Variants in PBRM1 observed in about 807,000 individuals in gnomAD.
The protein encoded by PBRM1 is polybromo 1, also known as protein polybromo-1.
PBRM1 carries 27 observed loss-of-function variants against 194.5 expected under a neutral mutation model. The observed-to-expected ratio is 0.14, with a 90% CI of 0.10 to 0.19. The LOEUF (loss-of-function observed/expected upper bound fraction) is 0.19, where lower values mean the gene tolerates loss of function less well. Among genes scored for constraint, PBRM1 ranks in the 10% least tolerant of loss-of-function variants. The pLI is 1.00. For missense variants in PBRM1, 1,466 were observed against 2,077.2 expected, an observed-to-expected ratio of 0.71 and a Z score of 5.72; for synonymous variants, 655 against 693.2, an observed-to-expected ratio of 0.94 and a Z score of 0.87.
rs530560787 is a variant in PBRM1, at chr3:52,648,978, G to A, written c.715-536C>T. On this transcript the variant is annotated intron_variant, in intron 6 of 29. Transcript: ENST00000296302. ...TACTCATATAGTTGCCTAAATTTACGAAGGAAATGAAAGACGGACACACTT... is the reference window on the plus strand; with the variant it reads ...TACTCATATAGTTGCCTAAATTTACAAAGGAAATGAAAGACGGACACACTT... Among the ~76,000 whole-genome samples the A allele has an allele frequency of 2.6e-5, 4 of 152,224 alleles. No homozygotes were observed. In the East Asian group the frequency reaches 5.8e-4, roughly 22 times the overall value.
chr3:52,550,562 T>C, exon 29 of PBRM1: 5 of 1,550,090 alleles, frequency 3.2e-6, no homozygotes, highest in East Asian at 2.3e-5. Context: ...GGCTGCTGTA[T>C]GACAGGGGGT....
At chr3:52,577,020 T>C (rs1393983742) in intron 21 of PBRM1, among the ~76,000 whole-genome samples, 2 of 152,216 alleles carry the variant, frequency 1.3e-5, no homozygotes, top group African/African-American at 2.4e-5. Context: ...AACTAAGCAT[T>C]TGTCATTGGA....
intron 10 of PBRM1, among the ~76,000 whole-genome samples, chr3:52,637,134 AT>A (rs1366571832): frequency 3.3e-5 from 5 of 152,086 alleles, no homozygotes; most frequent in Non-Finnish European, 7.4e-5. Context: ...CTGCAGTTGG[AT>A]TTACACCTAG....
chr3:52,567,663 G>A (rs2085731090), intron 22 of PBRM1, among the ~76,000 whole-genome samples: 1 of 150,658 alleles, frequency 6.6e-6, no homozygotes, highest in Admixed American at 6.6e-5. Context: ...TAATGGCCAA[G>A]GTTGGGTATA....
At chr3:52,679,969 T>C (rs1286035765), upstream of PBRM1, among the ~76,000 whole-genome samples, 3 of 152,186 alleles carry the variant, frequency 2.0e-5, no homozygotes, top group East Asian at 5.8e-4. Flanking sequence ...TATTCATTTG[T>C]ATATCAGCAA....
intron 13 of PBRM1, among the ~76,000 whole-genome samples, chr3:52,621,580 T>C (rs1451462272): frequency 6.6e-6 from 1 of 152,226 alleles, no homozygotes; most frequent in African/African-American, 2.4e-5. Flanking sequence ...TTCCCCATTT[T>C]TGGAAAAGTA....
At chr3:52,603,566 T>C in exon 17 of PBRM1, 2 of 1,605,118 alleles carry the variant, frequency 1.2e-6, no homozygotes, top group Non-Finnish European at 1.7e-6. Flanking sequence ...TCTATTTCTT[T>C]TGGCAATTTT....
At chr3:52,641,208 G>A (rs1019326877) in intron 10 of PBRM1, among the ~76,000 whole-genome samples, 14 of 151,664 alleles carry the variant, frequency 9.2e-5, no homozygotes, top group African/African-American at 2.9e-4. Context: ...CAGCACATTC[G>A]GAGGCCGAGG....
intron 29 of PBRM1, among the ~76,000 whole-genome samples, chr3:52,548,897 A>G (rs1265954768): frequency 1.3e-5 from 2 of 152,232 alleles, no homozygotes; most frequent in Non-Finnish European, 2.9e-5. Flanking sequence ...AGAAACTTCC[A>G]AACTTCTCTC....
intron 8 of PBRM1, among the ~76,000 whole-genome samples, chr3:52,644,399 T>G (rs938360586): frequency 2.6e-5 from 4 of 152,140 alleles, no homozygotes; most frequent in Admixed American, 2.0e-4. Flanking sequence ...TTTTCTTTTT[T>G]TTTTGAGACC....
At chr3:52,570,682 C>T (rs571070216) in intron 22 of PBRM1, among the ~76,000 whole-genome samples, 2 of 152,126 alleles carry the variant, frequency 1.3e-5, no homozygotes, top group African/African-American at 4.8e-5. Context: ...TTATCAAGAC[C>T]TGCTGGATTT....
chr3:52,545,702 T>TC (rs199630726), downstream of PBRM1: 102 of 232,920 alleles, frequency 4.4e-4, 1 homozygote, highest in East Asian at 5.9e-3. Flanking sequence ...TTCCCCTCAG[T>TC]CCCCCCGTTT....
intron 2 of PBRM1, among the ~76,000 whole-genome samples, chr3:52,673,267 C>T (rs2096993464): frequency 6.6e-6 from 1 of 151,614 alleles, no homozygotes; most frequent in African/African-American, 2.4e-5. Flanking sequence ...GGATTACAGG[C>T]ATGAGCCACC....
At chr3:52,599,367 ATTG>A (rs1346600316) in intron 17 of PBRM1, among the ~76,000 whole-genome samples, 3 of 152,194 alleles carry the variant, frequency 2.0e-5, no homozygotes, top group Non-Finnish European at 4.4e-5. Context: ...TATAAAATGA[ATTG>A]TTAATTATAG....
At chr3:52,643,545 T>C (rs1232151749) in intron 8 of PBRM1, among the ~76,000 whole-genome samples, 1 of 152,168 alleles carries the variant, frequency 6.6e-6, no homozygotes, top group Non-Finnish European at 1.5e-5. Context: ...CTAGAGAGCT[T>C]TTGGTCACTG....
Position 52,581,382 on chromosome 3 carries a change from C to T in PBRM1, c.3388-2183G>A, listed in dbSNP as rs941638879. Among the ~76,000 whole-genome samples, 4 of 151,848 alleles carry T rather than the reference C, an allele frequency of 2.6e-5. 1 individual carries two copies. Among genetic ancestry groups the T allele is most frequent in the South Asian group, 4.2e-4 (2 of 4,810 alleles). ...AAAATTAGCCAGGCATGATGGTGCG[C>T]GCCTGTAGTCCCAGGAACTTGGGAA... On this transcript the variant is annotated intron_variant, in intron 20 of 29. Coordinates refer to ENST00000296302, the Ensembl canonical transcript of PBRM1.
chr3:52,618,308 T>C (rs911162518), intron 13 of PBRM1, among the ~76,000 whole-genome samples: 3 of 152,210 alleles, frequency 2.0e-5, no homozygotes, highest in Non-Finnish European at 2.9e-5. Flanking sequence ...TAAGGGACTA[T>C]AGATTAGATC....
chr3:52,643,346 A>G lies in PBRM1; in HGVS notation c.900-3T>C, dbSNP rs1478046054. 1.2e-6 allele frequency: 2 copies of G among 1,601,452 alleles called. No individual in the cohort carries two copies. Among genetic ancestry groups the G allele is most frequent in the African/African-American group, 2.7e-5 (2 of 74,662 alleles). On this transcript the variant is annotated splice_polypyrimidine_tract_variant and splice_region_variant and intron_variant, in intron 8 of 29. Transcript: ENST00000296302. ...CTGCAGCCAAGTTGGATGGAGTCCT[A>G]TCCAGAGATAAGATAAAAAGCTTAG...
At chr3:52,625,796 C>T (rs982858734) in intron 13 of PBRM1, among the ~76,000 whole-genome samples, 1 of 151,872 alleles carries the variant, frequency 6.6e-6, no homozygotes, top group Non-Finnish European at 1.5e-5. Flanking sequence ...AGGCTGGTCT[C>T]GAAACTCCTG....
Sources: allele counts gnomAD v4.1 joint callset (sites outside exome capture counted in the v4.1 genomes callset), GRCh38; gene constraint gnomAD v4.1.1; transcripts MANE v1.5; gene names NCBI Gene and HGNC (gene_info 2026-07-23, HGNC 2026-07-21).